SGCD: variants seen among roughly 807,000 people sequenced by gnomAD.
SGCD encodes the protein delta-sarcoglycan.
A neutral mutation model predicts 36.6 loss-of-function variants in SGCD; 18 were observed. That is an observed-to-expected ratio of 0.49 (90% CI 0.34 to 0.73). The LOEUF (loss-of-function observed/expected upper bound fraction) is 0.73, where lower values mean the gene tolerates loss of function less well. Ranked by LOEUF, SGCD falls within the 30% of genes least tolerant of loss-of-function variation. The probability of loss-of-function intolerance (pLI) is 0.01; values close to 1 mark genes in which losing one functional copy is unlikely to be tolerated. For missense variants in SGCD, 387 were observed against 346.7 expected, an observed-to-expected ratio of 1.12 and a Z score of -0.92; for synonymous variants, 133 against 130.6, an observed-to-expected ratio of 1.02 and a Z score of -0.12.
At chr5:156,025,454 T>C (rs1264480258) in intron 1 of SGCD, among the ~76,000 whole-genome samples, 1 of 152,240 alleles carries the variant, frequency 6.6e-6, no homozygotes, top group Admixed American at 6.5e-5. Flanking sequence ...TATATTTTCA[T>C]GTTTGCCAGA....
chr5:156,741,375 T>C (rs1020291639), intron 7 of SGCD, among the ~76,000 whole-genome samples: 2 of 152,186 alleles, frequency 1.3e-5, no homozygotes, highest in African/African-American at 4.8e-5. Context: ...TGTGATAACA[T>C]TTAAAGTTTT....
chr5:156,496,752 G>T (rs1332821157), intron 3 of SGCD, among the ~76,000 whole-genome samples: 2 of 152,124 alleles, frequency 1.3e-5, no homozygotes, highest in African/African-American at 4.8e-5. Flanking sequence ...CCAATCATAT[G>T]TAGGGAAATA....
the SGCD span, among the ~76,000 whole-genome samples, chr5:155,774,578 G>A: frequency 0.19 from 29,052 of 152,074 alleles, 3,687 homozygotes; most frequent in Admixed American, 0.4. Flanking sequence ...GGCTTTTTCA[G>A]TGTTGAGTGG....
chr5:156,104,126 T>C lies in SGCD; in HGVS notation c.-281-13752T>C, dbSNP rs994511383. On this transcript the variant is annotated intron_variant, in intron 1 of 9. Transcript: ENST00000517913. Reference sequence around the variant, plus strand: ...AGTTGTCCCTGTTAAAGTCACATACTAATTAAATTTCTCTCTGGACCACAT... The same window carrying C: ...AGTTGTCCCTGTTAAAGTCACATACCAATTAAATTTCTCTCTGGACCACAT... 7.2e-5 allele frequency among the ~76,000 whole-genome samples: 11 copies of C among 152,274 alleles called. No individual in the cohort carries two copies. In the East Asian group the frequency reaches 2.1e-3, roughly 29 times the overall value.
intron 1 of SGCD, among the ~76,000 whole-genome samples, chr5:155,999,309 C>T (rs1332933917): frequency 2.6e-5 from 4 of 152,148 alleles, no homozygotes; most frequent in Non-Finnish European, 4.4e-5. Context: ...ATGTTTGTTT[C>T]CCCCACTAAA....
chr5:156,546,610 A>G (rs1758584452), intron 4 of SGCD, among the ~76,000 whole-genome samples: 4 of 43,824 alleles, frequency 9.1e-5, no homozygotes, highest in Admixed American at 6.3e-4. Flanking sequence ...TATAGAAGGA[A>G]AAAAAAAATG....
At chr5:155,916,641 C>A (rs2113367241) in intron 1 of SGCD, among the ~76,000 whole-genome samples, 1 of 152,250 alleles carries the variant, frequency 6.6e-6, no homozygotes, top group South Asian at 2.1e-4. Flanking sequence ...AGTAATATAG[C>A]TCAGATACAA....
the SGCD span, among the ~76,000 whole-genome samples, chr5:155,855,785 G>C: frequency 1.3e-5 from 2 of 152,070 alleles, no homozygotes; most frequent in Non-Finnish European, 2.9e-5. Flanking sequence ...TTGAGTTGAG[G>C]GGATGGAACT....
rs191019541 is a variant in SGCD at position 156,674,375 on chromosome 5, C to T, written c.575+26839C>T. 7.1e-3 allele frequency among the ~76,000 whole-genome samples: 1,088 copies of T among 152,304 alleles called. 11 individuals are homozygous for T. The highest frequency in any genetic ancestry group is 6.8e-3 in the South Asian group (33 of 4,820). ...AAAGGCATAATCCCCCGTCTTTGTG[C>T]AAGGTGTGATACTGTTACAAAAAGA... is the stretch of plus-strand genomic sequence containing the variant. On this transcript the variant is annotated intron_variant, in intron 7 of 8. Transcript: ENST00000337851.
intron 1 of SGCD, among the ~76,000 whole-genome samples, chr5:156,072,364 G>C (rs1336526135): frequency 6.6e-6 from 1 of 152,026 alleles, no homozygotes; most frequent in Non-Finnish European, 1.5e-5. Flanking sequence ...TGTCTGTAAA[G>C]TATTTTATTT....
chr5:156,751,584 A>AAAG (rs1463009666), intron 7 of SGCD, among the ~76,000 whole-genome samples: 1 of 152,244 alleles, frequency 6.6e-6, no homozygotes, highest in African/African-American at 2.4e-5. Flanking sequence ...AGATTATATA[A>AAAG]AAGTATTCCA....
chr5:156,410,400 A>T (rs1179284834), intron 3 of SGCD, among the ~76,000 whole-genome samples: 1 of 152,170 alleles, frequency 6.6e-6, no homozygotes, highest in Admixed American at 6.5e-5. Flanking sequence ...GGGGGCAAGG[A>T]CTAACACCTA....
intron 1 of SGCD, among the ~76,000 whole-genome samples, chr5:155,963,616 TA>T (rs2113453553): frequency 6.6e-6 from 1 of 152,036 alleles, no homozygotes; most frequent in Non-Finnish European, 1.5e-5. Context: ...AAGAAAAAAT[TA>T]TTTTTATCTC....
At chr5:156,197,615 A>G (rs1190029367) in intron 3 of SGCD, among the ~76,000 whole-genome samples, 1 of 151,942 alleles carries the variant, frequency 6.6e-6, no homozygotes, top group Non-Finnish European at 1.5e-5. Flanking sequence ...GAAGCACCAT[A>G]TTGTTCAATT....
At chr5:155,879,241 A>T (rs1275180781) in intron 1 of SGCD, among the ~76,000 whole-genome samples, 1 of 152,170 alleles carries the variant, frequency 6.6e-6, no homozygotes, top group Non-Finnish European at 1.5e-5. Context: ...GTTAAAACTC[A>T]TGAATGTGGC....
In SGCD at chr5:156,061,906, C is replaced by A. The variant is rs62380699; in HGVS notation, c.-281-55972C>A. Among the ~76,000 whole-genome samples the A allele has an allele frequency of 5.0e-4, 67 of 134,078 alleles. 5 individuals carry two copies. The highest frequency in any genetic ancestry group is 3.1e-4 in the Non-Finnish European group (19 of 60,910). 88.0% of individuals were successfully genotyped at this position (134,078 alleles called of 152,430 possible). A position where few individuals can be genotyped will look rare whatever the true frequency, so the allele number is the denominator to read the frequency against. ...AGGTAAAAGATATTTGGTGATAATT[C>A]CAGGAGTTTTCACTTTTTTTTTTTT... is the stretch of plus-strand genomic sequence containing the variant. On this transcript the variant is annotated intron_variant, in intron 1 of 9. Coordinates refer to the SGCD transcript ENST00000517913.
At chr5:155,827,910 C>G in the SGCD span, among the ~76,000 whole-genome samples, 4 of 146,894 alleles carry the variant, frequency 2.7e-5, no homozygotes, top group African/African-American at 7.6e-5. Context: ...AGGCTGGTCT[C>G]GAACTCCCAA....
intron 1 of SGCD, among the ~76,000 whole-genome samples, chr5:156,088,170 A>T (rs1581091641): frequency 6.6e-6 from 1 of 152,058 alleles, no homozygotes; most frequent in African/African-American, 2.4e-5. Flanking sequence ...CTGATTTGTC[A>T]TCCATATAAA....
chr5:156,567,102 T>C (rs916029153), intron 4 of SGCD, among the ~76,000 whole-genome samples: 4 of 152,178 alleles, frequency 2.6e-5, no homozygotes, highest in Non-Finnish European at 5.9e-5. Context: ...TTGAACAAGA[T>C]CCATGACAGT....
Sources: gnomAD v4.1 joint callset for allele counts (sites outside exome capture counted in the v4.1 genomes callset) on GRCh38, gnomAD v4.1.1 for gene constraint, MANE v1.5 for transcripts, NCBI Gene and HGNC (gene_info 2026-07-23, HGNC 2026-07-21) for gene names.